The following ABI2 variants were observed in gnomAD, a reference collection of about 807,000 sequenced individuals.
ABI2 encodes the protein abl interactor 2, also known as abelson interactor 2.
ABI2 carries 25 observed loss-of-function variants against 59.2 expected under a neutral mutation model. That is an observed-to-expected ratio of 0.42 (90% confidence interval 0.31 to 0.59). ABI2 has a LOEUF of 0.59. Ranked by LOEUF, ABI2 falls within the 20% of genes least tolerant of loss-of-function variation. The probability of loss-of-function intolerance (pLI) is 0.14; values close to 1 mark genes in which losing one functional copy is unlikely to be tolerated. For missense variants in ABI2, 545 were observed against 681.8 expected, an observed-to-expected ratio of 0.80 and a Z score of 2.23; for synonymous variants, 213 against 235.5, an observed-to-expected ratio of 0.90 and a Z score of 0.87.
In ABI2 at chr2:203,430,639, C is replaced by A. The variant is rs1289712473; in HGVS notation, c.*3287C>A. On this transcript the variant is annotated 3_prime_UTR_variant, in exon 12 of 12. Coordinates refer to ENST00000261018, the MANE Select transcript of ABI2 (RefSeq NM_001375670.1). ...ATATTTTCCATCATTTAGCTACTTC[C>A]TATCTCCCTCAGAGGCGCCTGCTGT... 6.6e-6 allele frequency: 1 copy of A among 152,178 alleles called. No individual in the cohort carries two copies. The highest frequency in any genetic ancestry group is 1.5e-5 in the Non-Finnish European group (1 of 68,038). 9.4% of individuals were successfully genotyped at this position (152,178 alleles called of 1,614,324 possible).
intron 1 of ABI2, among the ~76,000 whole-genome samples, chr2:203,338,025 G>A (rs548835680): frequency 3.3e-5 from 5 of 152,136 alleles, no homozygotes; most frequent in Non-Finnish European, 5.9e-5. Context: ...GCGAGACTCT[G>A]TCTCAAAAAA....
At position 203,386,640 on chromosome 2, in the gene ABI2, C is replaced by CTT. The variant is rs537240194; in HGVS notation, c.481-4390_481-4389dup. The CTT allele has an allele frequency of 1.1e-3, 130 of 121,714 alleles. 1 individual carries two copies. The highest frequency in any genetic ancestry group is 1.4e-3 in the African/African-American group (44 of 32,326). The allele number at this position is 121,714 out of a possible 1,614,324, so 7.5% of individuals were successfully genotyped here. A position where few individuals can be genotyped will look rare whatever the true frequency, so the allele number is the denominator to read the frequency against. On this transcript the variant is annotated intron_variant, in intron 4 of 11. Coordinates refer to ENST00000261018, the MANE Select transcript of ABI2 (RefSeq NM_001375670.1). Reference sequence around the variant, plus strand: ...TTTTCTATAGAATCTGTAGACATTGCTTTTTTTTTTTTTTTTTCCACGTGG... The same window carrying CTT: ...TTTTCTATAGAATCTGTAGACATTGCTTTTTTTTTTTTTTTTTTTCCACGTGG...
intron 1 of ABI2, among the ~76,000 whole-genome samples, chr2:203,346,960 TTCTTA>T (rs1482318875): frequency 1.3e-5 from 2 of 152,238 alleles, no homozygotes; most frequent in African/African-American, 4.8e-5. Context: ...AGCCATTCAT[TTCTTA>T]TCTTATAAAC....
At chr2:203,339,580 CAAAAAAAAAAAAAA>C (rs943110280) in intron 1 of ABI2, among the ~76,000 whole-genome samples, 3 of 59,124 alleles carry the variant, frequency 5.1e-5, no homozygotes, top group Non-Finnish European at 1.1e-4. Context: ...GACTCCGTCT[CAAAAAAAAAAAAAA>C]AAAGAAAAAG....
At chr2:203,368,419 A>C (rs1175404090) in intron 2 of ABI2, among the ~76,000 whole-genome samples, 1 of 152,134 alleles carries the variant, frequency 6.6e-6, no homozygotes, top group East Asian at 1.9e-4. Context: ...AATAATTTTT[A>C]AATGTGCATA....
intron 11 of ABI2, among the ~76,000 whole-genome samples, chr2:203,420,027 T>C (rs974614307): frequency 2.0e-4 from 31 of 152,140 alleles, no homozygotes; most frequent in African/African-American, 7.0e-4. Flanking sequence ...TCTATTGTAA[T>C]TCCCATTATA....
intron 1 of ABI2, among the ~76,000 whole-genome samples, chr2:203,338,940 A>G (rs1217393051): frequency 0.4 from 2,578 of 6,380 alleles, 270 homozygotes; most frequent in African/African-American, 0.46. Context: ...ATATGTATAT[A>G]TATATATATA....
intron 11 of ABI2, among the ~76,000 whole-genome samples, chr2:203,419,219 T>C (rs1429547776): frequency 2.8e-5 from 4 of 145,126 alleles, no homozygotes; most frequent in South Asian, 2.3e-4. Flanking sequence ...ACGCCATTCT[T>C]CTGCCTCAGC....
At chr2:203,420,289 T>G (rs1339042418) in intron 11 of ABI2, among the ~76,000 whole-genome samples, 1 of 152,248 alleles carries the variant, frequency 6.6e-6, no homozygotes, top group East Asian at 1.9e-4. Flanking sequence ...TAAAGCCATC[T>G]ATTCTTTTGT....
chr2:203,386,286 C>T (rs960904926), intron 4 of ABI2, among the ~76,000 whole-genome samples: 1 of 151,954 alleles, frequency 6.6e-6, no homozygotes, highest in African/African-American at 2.4e-5. Context: ...TGTTTAAATT[C>T]TCTTTTCTTT....
chr2:203,381,552 C>G (rs980641476), intron 3 of ABI2, among the ~76,000 whole-genome samples: 5 of 152,200 alleles, frequency 3.3e-5, no homozygotes, highest in Non-Finnish European at 7.3e-5. Context: ...CAGGTGTAAG[C>G]CATCGTGCCT....
intron 9 of ABI2, among the ~76,000 whole-genome samples, chr2:203,410,022 T>C (rs867376499): frequency 5.3e-5 from 8 of 152,326 alleles, no homozygotes; most frequent in Non-Finnish European, 1.2e-4. Context: ...TGGAAACATT[T>C]CTGGTCCTGT....
Position 203,430,976 on chromosome 2 carries a change from T to G in ABI2, c.*3624T>G, listed in dbSNP as rs942057790. 2.6e-5 allele frequency: 4 copies of G among 152,240 alleles called. No individual in the cohort carries two copies. The highest frequency in any genetic ancestry group is 7.2e-5 in the African/African-American group (3 of 41,448). The allele number at this position is 152,240 out of a possible 1,614,324, so 9.4% of individuals were successfully genotyped here. Reference sequence around the variant, plus strand: ...GAACTGTTTTTATCTTTTACTACCTTTTCTTTTCTCCTTTGTGGAGACAGC... The same window carrying G: ...GAACTGTTTTTATCTTTTACTACCTGTTCTTTTCTCCTTTGTGGAGACAGC... On this transcript the variant is annotated 3_prime_UTR_variant, in exon 12 of 12. Coordinates refer to ENST00000261018, the MANE Select transcript of ABI2 (RefSeq NM_001375670.1).
intron 1 of ABI2, among the ~76,000 whole-genome samples, chr2:203,337,344 A>G (rs571210844): frequency 2.6e-5 from 4 of 152,374 alleles, no homozygotes; most frequent in Admixed American, 1.3e-4. Flanking sequence ...GTGTTTCTAC[A>G]TATTAACTAC....
chr2:203,378,262 G>A (rs1466128383), intron 2 of ABI2, among the ~76,000 whole-genome samples: 8 of 151,880 alleles, frequency 5.3e-5, no homozygotes, highest in Non-Finnish European at 8.8e-5. Flanking sequence ...ACAGGCACCC[G>A]CCACCATGCC....
At chr2:203,384,092 G>A (rs1248544056) in intron 4 of ABI2, among the ~76,000 whole-genome samples, 1 of 152,042 alleles carries the variant, frequency 6.6e-6, no homozygotes, top group African/African-American at 2.4e-5. Flanking sequence ...TGGATTAACT[G>A]TTTTTCTTCA....
intron 1 of ABI2, among the ~76,000 whole-genome samples, chr2:203,330,421 G>C (rs1333175520): frequency 6.7e-6 from 1 of 150,288 alleles, no homozygotes; most frequent in Non-Finnish European, 1.5e-5. Context: ...AGATTCACTT[G>C]CTCAATTTTT....
intron 8 of ABI2, 138 bp downstream of exon 8, chr2:203,397,105 G>T (rs1261482595): frequency 2.5e-6 from 3 of 1,189,558 alleles, no homozygotes; most frequent in Non-Finnish European, 2.1e-6. Flanking sequence ...TAACCAGAAA[G>T]TATGTGACCA....
intron 1 of ABI2, among the ~76,000 whole-genome samples, chr2:203,353,059 G>A (rs543668371): frequency 4.6e-5 from 7 of 152,312 alleles, no homozygotes; most frequent in South Asian, 4.1e-4. Flanking sequence ...ACTCTGTGAT[G>A]TTTGCACAGT....
Sources: gnomAD v4.1 joint callset for allele counts (sites outside exome capture counted in the v4.1 genomes callset) on GRCh38, gnomAD v4.1.1 for gene constraint, MANE v1.5 for transcripts, NCBI Gene and HGNC (gene_info 2026-07-23, HGNC 2026-07-21) for gene names.